MKLN1: variants seen among roughly 807,000 people sequenced by gnomAD.
MKLN1 encodes the protein muskelin 1, also known as muskelin.
MKLN1 carries 18 observed loss-of-function variants against 99.0 expected under a neutral mutation model. The observed-to-expected ratio is 0.18, with a 90% CI of 0.13 to 0.27. MKLN1 has a LOEUF of 0.27. Among genes scored for constraint, MKLN1 ranks in the 10% least tolerant of loss-of-function variants. The pLI is 1.00. For missense variants in MKLN1, 621 were observed against 875.9 expected (o/e 0.71, Z 3.67); for synonymous variants, 288 against 293.2 (o/e 0.98, Z 0.18).
chr7:131,462,436 T>C (rs1796543150), intron 12 of MKLN1, among the ~76,000 whole-genome samples: 1 of 152,254 alleles, frequency 6.6e-6, no homozygotes, highest in Non-Finnish European at 1.5e-5. Flanking sequence ...TATCAAATTT[T>C]TTTTCCCAGG....
intron 16 of MKLN1, among the ~76,000 whole-genome samples, chr7:131,472,989 C>T (rs1796870102): frequency 6.6e-6 from 1 of 151,376 alleles, no homozygotes; most frequent in South Asian, 2.1e-4. Context: ...CATGCCCTCA[C>T]CCTAAGGTTC....
intron 12 of MKLN1, among the ~76,000 whole-genome samples, chr7:131,450,231 A>G (rs972635804): frequency 2.0e-5 from 3 of 152,202 alleles, no homozygotes; most frequent in South Asian, 2.1e-4. Flanking sequence ...CCAGTAAAGA[A>G]TAGAACCATA....
Position 131,494,696 on chromosome 7 carries a change from T to G in MKLN1, c.*6968T>G, listed in dbSNP as rs1271990245. The G allele has an allele frequency of 6.6e-6, 1 of 152,214 alleles. No individual in the cohort carries two copies. The highest frequency in any genetic ancestry group is 1.5e-5 in the Non-Finnish European group (1 of 68,030). 9.4% of individuals were successfully genotyped at this position (152,214 alleles called of 1,614,324 possible). A position where few individuals can be genotyped will look rare whatever the true frequency, so the allele number is the denominator to read the frequency against. On this transcript the variant is annotated 3_prime_UTR_variant, in exon 18 of 18. Transcript: ENST00000352689. The stretch of plus-strand genomic sequence containing the variant: ...TCAGAAAAATAAAAGTGGACTTCCT[T>G]TCCTAAGCATTACAATTAGCCTGGG...
At chr7:131,131,296 G>T (rs1451466368) in intron 1 of MKLN1, among the ~76,000 whole-genome samples, 1 of 151,994 alleles carries the variant, frequency 6.6e-6, no homozygotes, top group Non-Finnish European at 1.5e-5. Flanking sequence ...AGTATCACTT[G>T]AGCCCAGGAG....
At chr7:131,278,742 A>G (rs1798009396) in intron 3 of MKLN1, among the ~76,000 whole-genome samples, 1 of 151,354 alleles carries the variant, frequency 6.6e-6, no homozygotes, top group Non-Finnish European at 1.5e-5. Flanking sequence ...ACAGGCATGC[A>G]CCAACCATGC....
intron 3 of MKLN1, among the ~76,000 whole-genome samples, chr7:131,284,447 T>C (rs1266134213): frequency 6.6e-6 from 1 of 152,182 alleles, no homozygotes; most frequent in Admixed American, 6.5e-5. Flanking sequence ...ATCTAATATA[T>C]TGATATGTGG....
chr7:131,122,040 G>T (rs1435233016), intron 1 of MKLN1, among the ~76,000 whole-genome samples: 1 of 152,198 alleles, frequency 6.6e-6, no homozygotes, highest in Non-Finnish European at 1.5e-5. Context: ...GGTCAAGAAA[G>T]ATTATTTTAA....
At chr7:131,436,178 T>G (rs1795671059) in intron 9 of MKLN1, among the ~76,000 whole-genome samples, 1 of 152,198 alleles carries the variant, frequency 6.6e-6, no homozygotes, top group South Asian at 2.1e-4. Flanking sequence ...AAAGTGTACA[T>G]TCACATCAAC....
chr7:131,201,020 G>A (rs1796719190), intron 2 of MKLN1, among the ~76,000 whole-genome samples: 2 of 152,102 alleles, frequency 1.3e-5, no homozygotes, highest in African/African-American at 4.8e-5. Context: ...TTCATGAGGT[G>A]GCCACCTCTT....
intron 3 of MKLN1, among the ~76,000 whole-genome samples, chr7:131,255,459 C>T (rs1036419663): frequency 1.3e-5 from 2 of 152,220 alleles, no homozygotes; most frequent in African/African-American, 4.8e-5. Context: ...AGATTAACAT[C>T]TGACTTTCTC....
At chr7:131,153,018 CATAT>C (rs370745053) in intron 2 of MKLN1, among the ~76,000 whole-genome samples, 1 of 141,024 alleles carries the variant, frequency 7.1e-6, no homozygotes, top group Non-Finnish European at 1.5e-5. Flanking sequence ...TAATCAGATT[CATAT>C]ATATATATAT....
intron 1 of MKLN1, among the ~76,000 whole-genome samples, chr7:131,350,676 A>G (rs1250602664): frequency 6.6e-6 from 1 of 152,220 alleles, no homozygotes; most frequent in Non-Finnish European, 1.5e-5. Context: ...CAATGCCAAC[A>G]AGGGAAAGTC....
intron 3 of MKLN1, among the ~76,000 whole-genome samples, chr7:131,221,954 G>A (rs1797066843): frequency 6.6e-6 from 1 of 152,054 alleles, no homozygotes. Flanking sequence ...CGCCCAGGCT[G>A]GATTGTGGTG....
intron 15 of MKLN1, among the ~76,000 whole-genome samples, chr7:131,467,602 G>A (rs191464736): frequency 2.7e-3 from 417 of 152,250 alleles, no homozygotes; most frequent in African/African-American, 9.7e-3. Flanking sequence ...AATAATTTGA[G>A]AAGTGAATTG....
At chr7:131,212,722 G>A (rs10808252) in intron 3 of MKLN1, among the ~76,000 whole-genome samples, 27,627 of 152,038 alleles carry the variant, frequency 0.18, 2,950 homozygotes, top group Non-Finnish European at 0.25. Context: ...TTGGGAGTTC[G>A]AGACCAGCCT....
At chr7:131,461,785 AT>A (rs1554370005) in intron 12 of MKLN1, among the ~76,000 whole-genome samples, 1 of 152,204 alleles carries the variant, frequency 6.6e-6, no homozygotes, top group Non-Finnish European at 1.5e-5. Context: ...GATCATGACA[AT>A]TATGTTGTGA....
intron 1 of MKLN1, among the ~76,000 whole-genome samples, chr7:131,113,985 C>A (rs1026546435): frequency 6.6e-6 from 1 of 152,194 alleles, no homozygotes; most frequent in Admixed American, 6.5e-5. Context: ...CCCACCAGGT[C>A]CCTCCCTCAG....
At chr7:131,221,288 T>C (rs1186016396) in intron 3 of MKLN1, among the ~76,000 whole-genome samples, 3 of 152,150 alleles carry the variant, frequency 2.0e-5, no homozygotes, top group Non-Finnish European at 1.5e-5. Flanking sequence ...CCATTGTTGG[T>C]TCATGGCCCT....
At position 131,425,018 on chromosome 7, in the gene MKLN1, T is replaced by C. The variant is rs565619498; in HGVS notation, c.848-4015T>C. On this transcript the variant is annotated intron_variant, in intron 8 of 17. Transcript: ENST00000352689. ...CTATGTGTTCTTTTAAATCAAACAG[T>C]GTATTTATTCATCACACAGTTTAAC... Among the ~76,000 whole-genome samples, 6 of 152,296 alleles carry C rather than the reference T, an allele frequency of 3.9e-5. No individual in the cohort carries two copies. In the East Asian group the frequency reaches 1.2e-3, roughly 29 times the overall value.
Sources: allele counts gnomAD v4.1 joint callset (sites outside exome capture counted in the v4.1 genomes callset), GRCh38; gene constraint gnomAD v4.1.1; transcripts MANE v1.5; gene names NCBI Gene and HGNC (gene_info 2026-07-23, HGNC 2026-07-21).